ZNF608: variants seen among roughly 807,000 people sequenced by gnomAD.
The protein encoded by ZNF608 is renal carcinoma antigen NY-REN-36.
Under a neutral mutation model 109.0 loss-of-function variants are expected in ZNF608, and 12 were observed. That is an observed-to-expected ratio of 0.11 (90% confidence interval 0.07 to 0.18). The LOEUF (loss-of-function observed/expected upper bound fraction) is 0.18. ZNF608 is among the 10% of genes least tolerant of loss of function. The pLI, the probability that ZNF608 is intolerant of heterozygous loss-of-function variation, is 1.00. For synonymous variants in ZNF608, 732 were observed against 717.4 expected, an observed-to-expected ratio of 1.02 and a Z score of -0.33; for missense variants, 1,707 against 1,879.3, an observed-to-expected ratio of 0.91 and a Z score of 1.70.
Position 124,731,897 on chromosome 5 carries a change from C to T in ZNF608, c.906+12187G>A, listed in dbSNP as rs551141162. Among the ~76,000 whole-genome samples, 3 of 152,152 alleles carry T rather than the reference C, an allele frequency of 2.0e-5. No homozygotes were observed. In the South Asian group the frequency reaches 6.2e-4, roughly 32 times the overall value. On this transcript the variant is annotated intron_variant, in intron 2 of 9. Transcript: ENST00000513986. ...AATCCAGTCTCTTTCCTCACTAATA[C>T]GGAAAATATTAACAGGAAAGAATCA...
chr5:124,710,262 ATTCCGATTTCTCTCAGC>A (rs1333209096), intron 2 of ZNF608: 9 of 451,540 alleles, frequency 2.0e-5, no homozygotes, highest in Non-Finnish European at 3.5e-5. Flanking sequence ...AAACCACCGT[ATTCCGATTTCTCTCAGC>A]TTAACATCAG....
intron 3 of ZNF608, chr5:124,666,224 C>T (rs1479147694): frequency 6.6e-6 from 1 of 151,432 alleles, no homozygotes; most frequent in Non-Finnish European, 1.5e-5. Context: ...AATTATTTAA[C>T]GTGTTGCTTG....
intron 3 of ZNF608, among the ~76,000 whole-genome samples, chr5:124,680,103 T>G (rs775886069): frequency 6.6e-6 from 1 of 152,038 alleles, no homozygotes; most frequent in Admixed American, 6.6e-5. Context: ...CCCAAGCTTA[T>G]AGTCTTCTGA....
Position 124,727,851 on chromosome 5 carries a change from TGCCTCA to T in ZNF608, c.906+16227_906+16232del, listed in dbSNP as rs1315022582. On this transcript the variant is annotated intron_variant, in intron 2 of 9. Coordinates refer to ENST00000513986, the MANE Select transcript of ZNF608 (RefSeq NM_020747.3). Reference sequence around the variant, plus strand: ...ATCTCCCGGGTTAAAGCGATTCTCTTGCCTCAGCCTCCCAAGTAGCTGGGATTACAG... The same window carrying T: ...ATCTCCCGGGTTAAAGCGATTCTCTTGCCTCCCAAGTAGCTGGGATTACAG... 4.0e-5 allele frequency among the ~76,000 whole-genome samples: 6 copies of T among 151,846 alleles called. No homozygotes were observed. In the East Asian group the frequency reaches 1.2e-3, roughly 30 times the overall value.
At chr5:124,691,640 T>C (rs1752635908) in intron 3 of ZNF608, among the ~76,000 whole-genome samples, 1 of 152,232 alleles carries the variant, frequency 6.6e-6, no homozygotes, top group Admixed American at 6.5e-5. Flanking sequence ...TGGAATATTA[T>C]TCAGCATGTC....
At chr5:124,718,458 A>G (rs1157331415) in intron 2 of ZNF608, among the ~76,000 whole-genome samples, 1 of 152,220 alleles carries the variant, frequency 6.6e-6, no homozygotes, top group African/African-American at 2.4e-5. Context: ...TTTATAAGCA[A>G]CACTGATTTA....
At chr5:124,681,946 ATTTTC>A (rs936618257) in intron 3 of ZNF608, among the ~76,000 whole-genome samples, 4 of 152,202 alleles carry the variant, frequency 2.6e-5, no homozygotes, top group Non-Finnish European at 5.9e-5. Context: ...AAGAAAAATG[ATTTTC>A]AACCAAGTCT....
chr5:124,744,821 T>C lies in ZNF608; in HGVS notation c.169A>G (p.Thr57Ala), dbSNP rs750838507. The stretch of plus-strand genomic sequence containing the variant: ...CAATCCTTGGAGTTGCTGCTACTAG[T>C]GGTGGTGGTGGAATTATTCATCTCA... ...KFEMNNSTTT[T>A]SSSNSKDCGG... The change falls in exon 2 of 10, where the codon ACT (threonine) becomes GCT (alanine). Residue 57 changes from threonine (T) to alanine (A), a missense_variant. This residue lies in a region of ZNF608 where 407 missense variants were observed against 398.7 expected (regional missense o/e 1.02). Transcript: ENST00000513986. This position sits in a 1 kb window ranked among gnomAD's most constrained non-coding sequence, Gnocchi z 4.5. 1 of 1,614,136 alleles carries C rather than the reference T, an allele frequency of 6.2e-7. No homozygotes were observed.
At chr5:124,665,805 C>A (rs1751454522) in intron 3 of ZNF608, among the ~76,000 whole-genome samples, 2 of 152,216 alleles carry the variant, frequency 1.3e-5, no homozygotes, top group Non-Finnish European at 1.5e-5. Context: ...GACTGTTGGC[C>A]TCTCCCACTA....
chr5:124,648,318 G>A lies in ZNF608; in HGVS notation c.2066C>T (p.Ala689Val). ...CATCTCAGCAGCCAAACTGCCGTCTGCTGCCGAGCAACTGTCTAACGCAGC... is the reference window on the plus strand; with the variant it reads ...CATCTCAGCAGCCAAACTGCCGTCTACTGCCGAGCAACTGTCTAACGCAGC... Reference protein sequence around the residue: ...MTAALDSCSAADGSLAAEMPK... With the variant: ...MTAALDSCSAVDGSLAAEMPK... The change falls in exon 5 of 10, where the codon GCA becomes GTA. Residue 689 changes from alanine (A) to valine (V), a missense_variant. By Grantham distance (64) the Ala-to-Val change is moderately conservative. Around this residue, in one of 7 missense-constraint regions of ZNF608, gnomAD observed 1,073 missense variants for 1,133.5 expected, o/e 0.95. Coordinates refer to ENST00000513986, the MANE Select transcript of ZNF608 (RefSeq NM_020747.3). 1 of 1,614,162 alleles carries A rather than the reference G, an allele frequency of 6.2e-7. No individual in the cohort carries two copies. The highest frequency in any genetic ancestry group is 8.5e-7 in the Non-Finnish European group (1 of 1,180,020).
intron 3 of ZNF608, among the ~76,000 whole-genome samples, chr5:124,696,436 T>C (rs1317685354): frequency 6.6e-6 from 1 of 152,168 alleles, no homozygotes; most frequent in East Asian, 1.9e-4. Context: ...TCTCAGCACA[T>C]TCTATATTTG....
intron 3 of ZNF608, among the ~76,000 whole-genome samples, chr5:124,700,594 C>A (rs529873138): frequency 2.6e-5 from 4 of 152,330 alleles, no homozygotes; most frequent in Non-Finnish European, 5.9e-5. Context: ...TGTGCAAGAA[C>A]CTTGGCTCAA....
intron 2 of ZNF608, chr5:124,734,711 T>G (rs1329296203): frequency 3.3e-5 from 5 of 152,232 alleles, no homozygotes; most frequent in African/African-American, 4.8e-5. Flanking sequence ...ACTCAATTCG[T>G]TTATTTGGGT....
At chr5:124,723,442 C>T (rs1214339893) in intron 2 of ZNF608, among the ~76,000 whole-genome samples, 2 of 152,120 alleles carry the variant, frequency 1.3e-5, no homozygotes, top group African/African-American at 2.4e-5. Context: ...AATCCCAGCA[C>T]TTTGGGAGGC....
Position 124,648,390 on chromosome 5 carries a change from C to T in ZNF608, c.1994G>A (p.Gly665Asp). 1 of 1,614,190 alleles carries T rather than the reference C, an allele frequency of 6.2e-7. No individual in the cohort carries two copies. Among genetic ancestry groups the T allele is most frequent in the Non-Finnish European group, 8.5e-7 (1 of 1,180,048 alleles). The change falls in exon 5 of 10, where the codon GGC (glycine) becomes GAC (aspartate). Residue 665 changes from glycine (G) to aspartate (D), a missense_variant. Transcript: ENST00000513986. ...AAGGTTGTTCAGTTCATTGTTAAGG[C>T]CCTTCTTTTTGCCAGAATTCTTCCC... ...KAGKNSGKKK[G>D]LNNELNNLPV...
At chr5:124,720,361 A>G (rs1414632506) in intron 2 of ZNF608, among the ~76,000 whole-genome samples, 1 of 152,172 alleles carries the variant, frequency 6.6e-6, no homozygotes, top group East Asian at 1.9e-4. Flanking sequence ...AGGTTTCTCT[A>G]TCACCTTTCT....
intron 3 of ZNF608, among the ~76,000 whole-genome samples, chr5:124,681,741 CT>C (rs1014148945): frequency 1.3e-5 from 2 of 152,104 alleles, no homozygotes; most frequent in African/African-American, 4.8e-5. Flanking sequence ...GAACAAGTCC[CT>C]GACTCTAAAA....
At chr5:124,638,217 T>C (rs1302218496) in intron 9 of ZNF608, among the ~76,000 whole-genome samples, 1 of 151,516 alleles carries the variant, frequency 6.6e-6, no homozygotes, top group Non-Finnish European at 1.5e-5. Context: ...CCCAAAGTGC[T>C]GGGATTACAG....
intron 3 of ZNF608, among the ~76,000 whole-genome samples, chr5:124,679,601 A>G (rs901850123): frequency 6.6e-6 from 1 of 152,324 alleles, no homozygotes; most frequent in South Asian, 2.1e-4. Context: ...CACCTTTTAC[A>G]GTCTCCACTC....
Sources: gnomAD v4.1 joint callset for allele counts (sites outside exome capture counted in the v4.1 genomes callset) on GRCh38, gnomAD v4.1.1 for gene constraint, gnomAD v4.1.1 regional missense constraint, Gnocchi (gnomAD v3.1) non-coding constraint, MANE v1.5 for transcripts, NCBI Gene and HGNC (gene_info 2026-07-23, HGNC 2026-07-21) for gene names.